The following GPR157 variants were observed in gnomAD, a reference collection of about 807,000 sequenced individuals.
GPR157 encodes the protein G-protein coupled receptor 157.
In GPR157, 16 loss-of-function variants were observed where a neutral mutation model predicts 23.5. That is an observed-to-expected ratio of 0.68 (90% CI 0.46 to 1.04). The LOEUF is 1.04. Ranked by LOEUF, GPR157 falls within the 50% of genes least tolerant of loss-of-function variation. The pLI, the probability that GPR157 is intolerant of heterozygous loss-of-function variation, is 0.00. For missense variants in GPR157, 440 were observed against 460.7 expected (o/e 0.96, Z 0.41); for synonymous variants, 200 against 221.5 (o/e 0.90, Z 0.86).
rs747827894 is a variant in GPR157 at position 9,111,191 on chromosome 1, C to T, written c.597+85G>A. ...TGTCCCCAGAGACGCAACCTGTCCC[C>T]TCGGGGGGCCAAACTCAATGCCAGG... On this transcript the variant is annotated intron_variant, in intron 2 of 3. Coordinates refer to ENST00000377411, the MANE Select transcript of GPR157 (RefSeq NM_024980.5). The T allele has an allele frequency of 7.5e-6, 10 of 1,334,602 alleles. No individual in the cohort carries two copies. In the East Asian group the frequency reaches 1.7e-4, roughly 23 times the overall value. The allele number at this position is 1,334,602 out of a possible 1,614,324, so 82.7% of individuals were successfully genotyped here.
At chr1:9,122,517 G>T (rs557660145) in intron 1 of GPR157, among the ~76,000 whole-genome samples, 1 of 152,166 alleles carries the variant, frequency 6.6e-6, no homozygotes, top group Non-Finnish European at 1.5e-5. Flanking sequence ...GAACTTGGCA[G>T]ATATCACCTT....
At chr1:9,125,541 T>A (rs1216866234) in intron 1 of GPR157, among the ~76,000 whole-genome samples, 3 of 152,186 alleles carry the variant, frequency 2.0e-5, no homozygotes, top group Admixed American at 2.0e-4. Context: ...CCTGGGAACT[T>A]GTGCACGTGC....
chr1:9,110,835 T>C (rs1638471430), intron 2 of GPR157, among the ~76,000 whole-genome samples: 1 of 152,184 alleles, frequency 6.6e-6, no homozygotes, highest in Non-Finnish European at 1.5e-5. Flanking sequence ...GATTGTGAAA[T>C]TCCACAGTCT....
chr1:9,123,788 T>A (rs1172748229), intron 1 of GPR157, among the ~76,000 whole-genome samples: 1 of 130,478 alleles, frequency 7.7e-6, no homozygotes, highest in African/African-American at 2.8e-5. Flanking sequence ...AAATATATAT[T>A]TAATATTATA....
At position 9,128,596 on chromosome 1, in the gene GPR157, G is replaced by A. The variant is rs1639016501; in HGVS notation, c.383+49C>T. 2 of 1,568,278 alleles carry A rather than the reference G, an allele frequency of 1.3e-6. No individual in the cohort carries two copies. The highest frequency in any genetic ancestry group is 1.3e-5 in the African/African-American group (1 of 74,084). ...CTCTGGGAGGGCAAGACCGGGAGGG[G>A]TCGGCCTGTGTCGGGGGCTCCTGGA... is the stretch of plus-strand genomic sequence containing the variant. On this transcript the variant is annotated intron_variant, in intron 1 of 3. Coordinates refer to ENST00000377411, the MANE Select transcript of GPR157 (RefSeq NM_024980.5). This position sits in a 1 kb window ranked among gnomAD's most constrained non-coding sequence, Gnocchi z 6.3.
chr1:9,114,976 G>A (rs1033932293), intron 1 of GPR157, among the ~76,000 whole-genome samples: 1 of 151,978 alleles, frequency 6.6e-6, no homozygotes, highest in Non-Finnish European at 1.5e-5. Context: ...CAACAGGGAG[G>A]GGTTGTTTGA....
intron 1 of GPR157, among the ~76,000 whole-genome samples, chr1:9,119,731 C>T (rs1338624877): frequency 6.6e-6 from 1 of 152,212 alleles, no homozygotes; most frequent in Non-Finnish European, 1.5e-5. Context: ...GGACCCTCCA[C>T]CAGCTCATGG....
intron 2 of GPR157, among the ~76,000 whole-genome samples, chr1:9,107,091 G>A (rs192003158): frequency 3.3e-4 from 50 of 152,288 alleles, no homozygotes; most frequent in African/African-American, 1.0e-3. Context: ...GTCCCACGAT[G>A]TTATTCACCC....
At chr1:9,108,298 C>G (rs1273399662) in intron 2 of GPR157, among the ~76,000 whole-genome samples, 8 of 152,184 alleles carry the variant, frequency 5.3e-5, no homozygotes, top group African/African-American at 1.9e-4. Flanking sequence ...CGATTCTTGG[C>G]TCATTCCTAG....
At chr1:9,127,998 C>T (rs1639001013) in intron 1 of GPR157, among the ~76,000 whole-genome samples, 1 of 152,084 alleles carries the variant, frequency 6.6e-6, no homozygotes, top group African/African-American at 2.4e-5. Context: ...AGGAGGACTC[C>T]GAGACTCCCA....
In GPR157 at chr1:9,129,037, G is replaced by C; in HGVS notation, c.-10C>G. 2 of 1,257,612 alleles carry C rather than the reference G, an allele frequency of 1.6e-6. No individual in the cohort carries two copies. The highest frequency in any genetic ancestry group is 2.0e-6 in the Non-Finnish European group (2 of 1,003,836). The allele number at this position is 1,257,612 out of a possible 1,614,324, so 77.9% of individuals were successfully genotyped here. On this transcript the variant is annotated 5_prime_UTR_variant, in exon 1 of 4. Coordinates refer to ENST00000377411, the MANE Select transcript of GPR157 (RefSeq NM_024980.5). ...GCGGGGACGGCTGCATGGCGTGGGG[G>C]GCCAGGAGCCGGAGCGCCGCGAGGA...
chr1:9,111,931 T>C (rs1474032812), intron 1 of GPR157, among the ~76,000 whole-genome samples: 2 of 152,086 alleles, frequency 1.3e-5, no homozygotes, highest in African/African-American at 4.8e-5. Flanking sequence ...GATTGTGCCA[T>C]TGCGTTCCCG....
intron 2 of GPR157, among the ~76,000 whole-genome samples, chr1:9,108,431 T>C (rs1638397548): frequency 6.6e-6 from 1 of 152,236 alleles, no homozygotes; most frequent in Non-Finnish European, 1.5e-5. Flanking sequence ...CCCCGCAGGC[T>C]TCCTGCCCTG....
chr1:9,123,178 T>C (rs868363105), intron 1 of GPR157, among the ~76,000 whole-genome samples: 1 of 122,508 alleles, frequency 8.2e-6, no homozygotes, highest in Non-Finnish European at 1.6e-5. Context: ...AAAAAAAATA[T>C]ATATATATAT....
chr1:9,125,254 C>T (rs1638940717), intron 1 of GPR157, among the ~76,000 whole-genome samples: 1 of 151,866 alleles, frequency 6.6e-6, no homozygotes, highest in South Asian at 2.1e-4. Flanking sequence ...CTCACTCTGT[C>T]ACTCCGGCTG....
chr1:9,107,654 A>C (rs1638373570), intron 2 of GPR157, among the ~76,000 whole-genome samples: 1 of 152,052 alleles, frequency 6.6e-6, no homozygotes, highest in Non-Finnish European at 1.5e-5. Flanking sequence ...GCGCGGGCAC[A>C]GTGGCTCATG....
intron 1 of GPR157, among the ~76,000 whole-genome samples, chr1:9,127,046 C>T (rs1638976983): frequency 1.3e-5 from 2 of 152,004 alleles, no homozygotes; most frequent in South Asian, 4.1e-4. Flanking sequence ...CCACCATGCC[C>T]AGCTAATTTT....
chr1:9,128,919 C>T lies in GPR157; in HGVS notation c.109G>A (p.Ala37Thr). The T allele has an allele frequency of 6.5e-7, 1 of 1,539,614 alleles. No homozygotes were observed. The highest frequency in any genetic ancestry group is 8.7e-7 in the Non-Finnish European group (1 of 1,144,958). The change falls in exon 1 of 4, where the codon GCC becomes ACC. Residue 37 changes from alanine to threonine, a missense_variant. Coordinates refer to ENST00000377411, the MANE Select transcript of GPR157 (RefSeq NM_024980.5). The surrounding 1 kb of genome is among the most constrained non-coding windows in gnomAD (Gnocchi z 6.3). ...CGGCTGCGCAGGTCGGGCCACAGGG[C>T]GTGCGTGGCCACCAGCAGGCCCGAG... ...LGSGLLVATH[A>T]LWPDLRSRAR...
Position 9,128,233 on chromosome 1 carries a change from T to C in GPR157, c.383+412A>G, listed in dbSNP as rs921406814. The C allele has an allele frequency of 8.0e-5, 38 of 477,240 alleles. No individual in the cohort carries two copies. The highest frequency in any genetic ancestry group is 6.4e-4 in the African/African-American group (33 of 51,206). The allele number at this position is 477,240 out of a possible 1,614,324, so 29.6% of individuals were successfully genotyped here. A position where few individuals can be genotyped will look rare whatever the true frequency, so the allele number is the denominator to read the frequency against. On this transcript the variant is annotated intron_variant, in intron 1 of 3. Transcript: ENST00000377411. The surrounding 1 kb of genome is among the most constrained non-coding windows in gnomAD (Gnocchi z 6.3). ...TTGGGGTGGGGTGGTGGCGTGGGAC[T>C]GGCAGTTGCCGGCTCTCCAGCCCGG...
Sources: gnomAD v4.1 joint callset for allele counts (sites outside exome capture counted in the v4.1 genomes callset) on GRCh38, gnomAD v4.1.1 for gene constraint, Gnocchi (gnomAD v3.1) non-coding constraint, MANE v1.5 for transcripts, NCBI Gene and HGNC (gene_info 2026-07-23, HGNC 2026-07-21) for gene names.